Variants in BMAL1 observed in about 807,000 individuals in gnomAD.
The protein encoded by BMAL1 is basic helix-loop-helix ARNT-like protein 1.
the BMAL1 span, among the ~76,000 whole-genome samples, chr11:13,288,114 A>G: frequency 6.6e-6 from 1 of 152,246 alleles, no homozygotes; most frequent in Admixed American, 6.5e-5. Flanking sequence ...GCATAATTAA[A>G]AACACAGAAG....
the BMAL1 span, among the ~76,000 whole-genome samples, chr11:13,349,699 C>T: frequency 2.0e-5 from 3 of 152,114 alleles, no homozygotes; most frequent in Non-Finnish European, 4.4e-5. Context: ...TGTTTTTCAC[C>T]GAAAATATCT....
chr11:13,309,205 G>C, the BMAL1 span, among the ~76,000 whole-genome samples: 1 of 152,160 alleles, frequency 6.6e-6, no homozygotes, highest in Non-Finnish European at 1.5e-5. Flanking sequence ...CATCTCAGTA[G>C]ATGGAGGTAA....
the BMAL1 span, among the ~76,000 whole-genome samples, chr11:13,378,138 C>T: frequency 6.6e-6 from 1 of 152,146 alleles, no homozygotes; most frequent in Non-Finnish European, 1.5e-5. Flanking sequence ...AAAAACTGGC[C>T]TCAGATCCTA....
chr11:13,304,026 T>C, the BMAL1 span, among the ~76,000 whole-genome samples: 5 of 152,030 alleles, frequency 3.3e-5, no homozygotes, highest in Non-Finnish European at 7.4e-5. Context: ...TGGGAGAAGA[T>C]GAGGGCATGG....
At chr11:13,315,134 T>A in the BMAL1 span, among the ~76,000 whole-genome samples, 1 of 152,112 alleles carries the variant, frequency 6.6e-6, no homozygotes, top group Non-Finnish European at 1.5e-5. Context: ...CACCGAGGTG[T>A]CCTGCAGACC....
chr11:13,342,953 G>C, the BMAL1 span, among the ~76,000 whole-genome samples: 1 of 152,218 alleles, frequency 6.6e-6, no homozygotes, highest in African/African-American at 2.4e-5. Flanking sequence ...TGAGGCTGTT[G>C]TGATGGTTAA....
the BMAL1 span, among the ~76,000 whole-genome samples, chr11:13,285,469 A>C: frequency 2.6e-5 from 4 of 152,192 alleles, no homozygotes; most frequent in Admixed American, 2.6e-4. Flanking sequence ...AGAGTAAAGC[A>C]GTAGCGATGA....
the BMAL1 span, among the ~76,000 whole-genome samples, chr11:13,293,782 T>C: frequency 6.6e-6 from 1 of 152,226 alleles, no homozygotes; most frequent in Admixed American, 6.5e-5. Context: ...TCTGTGTAGG[T>C]AACCAAGTGC....
the BMAL1 span, among the ~76,000 whole-genome samples, chr11:13,333,917 T>C: frequency 2.0e-5 from 3 of 152,126 alleles, no homozygotes; most frequent in Non-Finnish European, 4.4e-5. Context: ...ACCCACTCTA[T>C]CTCCCTCCAC....
chr11:13,294,370 A>G, the BMAL1 span, among the ~76,000 whole-genome samples: 3 of 149,146 alleles, frequency 2.0e-5, no homozygotes, highest in Non-Finnish European at 4.4e-5. Context: ...GGTGACTTTT[A>G]TTCTCATCTC....
chr11:13,380,209 T>C, the BMAL1 span: 1 of 152,208 alleles, frequency 6.6e-6, no homozygotes, highest in Non-Finnish European at 1.5e-5. Context: ...CGTTTGTGCA[T>C]GCTGAGAATA....
chr11:13,343,227 C>T, the BMAL1 span, among the ~76,000 whole-genome samples: 1 of 152,172 alleles, frequency 6.6e-6, no homozygotes, highest in Non-Finnish European at 1.5e-5. Context: ...ACCGTCATCT[C>T]CCATCAGAGA....
chr11:13,324,543 G>A, the BMAL1 span, among the ~76,000 whole-genome samples: 276 of 152,146 alleles, frequency 1.8e-3, no homozygotes, highest in Non-Finnish European at 2.7e-3. Flanking sequence ...CCCTCTCCCC[G>A]CTGCTTCAAC....
the BMAL1 span, among the ~76,000 whole-genome samples, chr11:13,369,365 A>G: frequency 6.6e-6 from 1 of 152,144 alleles, no homozygotes; most frequent in African/African-American, 2.4e-5. Context: ...ACCCCATACT[A>G]TATTTCTTTT....
chr11:13,352,591 AAC>A, the BMAL1 span, among the ~76,000 whole-genome samples: 1 of 152,360 alleles, frequency 6.6e-6, no homozygotes, highest in East Asian at 1.9e-4. Context: ...TCCAGAATAC[AAC>A]GTGTGTCCCG....
At chr11:13,313,623 T>A in the BMAL1 span, among the ~76,000 whole-genome samples, 1 of 152,202 alleles carries the variant, frequency 6.6e-6, no homozygotes, top group African/African-American at 2.4e-5. Context: ...AGTTCTTCTC[T>A]GTCTCTCCAC....
the BMAL1 span, among the ~76,000 whole-genome samples, chr11:13,314,229 CCACACA>C: frequency 0.014 from 1,928 of 138,726 alleles, 13 homozygotes; most frequent in Middle Eastern, 0.074. Context: ...AGGGTGGAGA[CCACACA>C]CACACACACA....
chr11:13,358,531 A>C, the BMAL1 span: 1 of 1,613,498 alleles, frequency 6.2e-7, no homozygotes, highest in Admixed American at 1.7e-5. Flanking sequence ...CGCAATGTCC[A>C]GGAAATTAGA....
the BMAL1 span, among the ~76,000 whole-genome samples, chr11:13,286,972 C>G: frequency 3.9e-5 from 6 of 152,074 alleles, no homozygotes; most frequent in Non-Finnish European, 7.3e-5. Flanking sequence ...CAGTACCCTG[C>G]TGGAAGAAAA....
Sources: gnomAD v4.1 joint callset for allele counts (sites outside exome capture counted in the v4.1 genomes callset) on GRCh38, gnomAD v4.1.1 for gene constraint, MANE v1.5 for transcripts, NCBI Gene and HGNC (gene_info 2026-07-23, HGNC 2026-07-21) for gene names.